INTS14: variants seen among roughly 807,000 people sequenced by gnomAD.
INTS14 encodes the protein integrator complex subunit 14, also known as UPF0464 protein C15orf44.
In INTS14, 27 loss-of-function variants were observed where a neutral mutation model predicts 56.9. The observed-to-expected ratio is 0.47, with a 90% CI of 0.35 to 0.65. The LOEUF (loss-of-function observed/expected upper bound fraction) is 0.65. Ranked by LOEUF, INTS14 falls within the 30% of genes least tolerant of loss-of-function variation. INTS14 has a pLI of 0.00. For synonymous variants in INTS14, 207 were observed against 236.2 expected (o/e 0.88, Z 1.13); for missense variants, 517 against 632.2 (o/e 0.82, Z 1.95).
In INTS14 at chr15:65,599,884, G is replaced by T. The variant is rs1178287088; in HGVS notation, c.376C>A (p.Leu126Met). ...DGCLGIGRGS[L>M]RHSLATQNQR... ...TTTTGAGTGGCTAGGGAATGTCGCA[G>T]TGACCCTCTACCAATGCCAAGACAG... Residue 126 changes from leucine (L) to methionine (M), a missense_variant, in exon 4 of 12, where the codon CTG (leucine) becomes ATG (methionine). Leu to Met is a conservative substitution (Grantham distance 15). Coordinates refer to ENST00000313182, the MANE Select transcript of INTS14 (RefSeq NM_001394796.1). The T allele has an allele frequency of 6.2e-7, 1 of 1,614,050 alleles. No homozygotes were observed. The highest frequency in any genetic ancestry group is 1.3e-5 in the African/African-American group (1 of 74,926).
intron 6 of INTS14, among the ~76,000 whole-genome samples, chr15:65,596,249 A>G (rs1233131506): frequency 6.6e-6 from 1 of 152,224 alleles, no homozygotes; most frequent in East Asian, 1.9e-4. Context: ...TGTATTCTCT[A>G]CAAAACTAGG....
rs114742506 is a variant in INTS14 at position 65,600,874 on chromosome 15, A to G, written c.331-945T>C. 7.5e-3 allele frequency among the ~76,000 whole-genome samples: 1,146 copies of G among 152,300 alleles called. 15 individuals carry two copies. The highest frequency in any genetic ancestry group is 0.026 in the African/African-American group (1,093 of 41,536). ...TTAAAAGCTTGCCTCTGAACACTTA[A>G]AAAAGGACAAAAACATTCACAACCA... On this transcript the variant is annotated intron_variant, in intron 3 of 11. Transcript: ENST00000313182.
chr15:65,586,581 G>A (rs2072832378), intron 9 of INTS14: 1 of 152,124 alleles, frequency 6.6e-6, no homozygotes, highest in Admixed American at 6.5e-5. Flanking sequence ...ATTTTGTACT[G>A]TCATTAGTTG....
chr15:65,589,316 C>T (rs574779291), intron 9 of INTS14, among the ~76,000 whole-genome samples: 41 of 152,282 alleles, frequency 2.7e-4, no homozygotes, highest in African/African-American at 9.9e-4. Flanking sequence ...CACCACCATG[C>T]CCAGCAAATT....
chr15:65,598,340 G>A lies in INTS14; in HGVS notation c.729C>T (p.Ile243=), dbSNP rs1302450441. The change falls in exon 6 of 12, where the codon ATC becomes ATT. Residue 243 remains isoleucine (I), a synonymous_variant. Transcript: ENST00000313182. ...PFVVDEEIDP[I]PKVINTDLEI... ...AGTTACCTGTGTTAATGACTTTAGG[G>A]ATAGGATCAATTTCTTCATCTACAA... The A allele has an allele frequency of 6.2e-6, 10 of 1,613,844 alleles. No individual in the cohort carries two copies. In the South Asian group the frequency reaches 1.1e-4, roughly 18 times the overall value.
chr15:65,608,028 T>C (rs1298407956), intron 1 of INTS14, among the ~76,000 whole-genome samples: 2 of 152,216 alleles, frequency 1.3e-5, no homozygotes, highest in Non-Finnish European at 2.9e-5. Flanking sequence ...GTAGTATTCA[T>C]TGTACATAAA....
At chr15:65,607,817 GACAA>G (rs1310375223) in intron 1 of INTS14, among the ~76,000 whole-genome samples, 1 of 152,184 alleles carries the variant, frequency 6.6e-6, no homozygotes, top group Non-Finnish European at 1.5e-5. Context: ...GGTGCTATTT[GACAA>G]ACAACCATTG....
chr15:65,594,236 G>C (rs2073130677), intron 7 of INTS14, among the ~76,000 whole-genome samples: 2 of 152,158 alleles, frequency 1.3e-5, no homozygotes, highest in African/African-American at 4.8e-5. Flanking sequence ...GCTGACAGAT[G>C]AATCTTCCTA....
chr15:65,580,206 G>C (rs1311259350), intron 11 of INTS14, among the ~76,000 whole-genome samples: 1 of 152,010 alleles, frequency 6.6e-6, no homozygotes, highest in Non-Finnish European at 1.5e-5. Flanking sequence ...GAGTGGTCTG[G>C]GCAAGTTATA....
intron 9 of INTS14, among the ~76,000 whole-genome samples, chr15:65,590,961 G>C (rs2073004291): frequency 6.6e-6 from 1 of 152,184 alleles, no homozygotes; most frequent in South Asian, 2.1e-4. Flanking sequence ...CTGAGCTTGA[G>C]ACTGTGACAG....
At chr15:65,588,728 G>T (rs1373978946) in intron 9 of INTS14, among the ~76,000 whole-genome samples, 1 of 151,810 alleles carries the variant, frequency 6.6e-6, no homozygotes, top group Non-Finnish European at 1.5e-5. Flanking sequence ...GTTTTAAAAA[G>T]TAGTTGTCTC....
chr15:65,582,315 GAA>G lies in INTS14; in HGVS notation c.1240-298_1240-297del, dbSNP rs781174643. Among the ~76,000 whole-genome samples, 8 of 152,196 alleles carry G rather than the reference GAA, an allele frequency of 5.3e-5. No homozygotes were observed. In the East Asian group the frequency reaches 1.3e-3, roughly 26 times the overall value. ...TTTTTTGCAAAGACGATTCAATGGG[GAA>G]AAAATAGTCTCTTCAACATTTGGTG... On this transcript the variant is annotated intron_variant, in intron 10 of 11. Transcript: ENST00000313182.
intron 3 of INTS14, among the ~76,000 whole-genome samples, chr15:65,604,538 G>T (rs778527681): frequency 3.8e-4 from 58 of 151,940 alleles, no homozygotes; most frequent in Admixed American, 8.5e-4. Flanking sequence ...AGACCAACCT[G>T]GGCAATATGG....
intron 2 of INTS14, among the ~76,000 whole-genome samples, chr15:65,606,763 TATC>T (rs1187898899): frequency 2.6e-5 from 4 of 152,176 alleles, no homozygotes; most frequent in Non-Finnish European, 4.4e-5. Flanking sequence ...GGAAAGGAAA[TATC>T]ATTTTGAATT....
chr15:65,595,855 T>C, intron 6 of INTS14, 30 bp from the exon 7 acceptor site: 1 of 1,519,320 alleles, frequency 6.6e-7, no homozygotes, highest in Non-Finnish European at 9.0e-7. Context: ...ACAGAATTAA[T>C]TCATTCTATG....
At chr15:65,587,975 CA>C (rs1362035990) in intron 9 of INTS14, among the ~76,000 whole-genome samples, 1 of 151,818 alleles carries the variant, frequency 6.6e-6, no homozygotes, top group Non-Finnish European at 1.5e-5. Context: ...GACCCTGTCT[CA>C]AAAAATAAAT....
In INTS14 at chr15:65,584,856, T is replaced by C. The variant is rs951797137; in HGVS notation, c.1153A>G (p.Asn385Asp). 1 of 1,613,474 alleles carries C rather than the reference T, an allele frequency of 6.2e-7. No individual in the cohort carries two copies. Among genetic ancestry groups the C allele is most frequent in the Non-Finnish European group, 8.5e-7 (1 of 1,179,710 alleles). The change falls in exon 10 of 12, where the codon AAT (asparagine) becomes GAT (aspartate). Residue 385 changes from asparagine (N) to aspartate (D), a missense_variant. Asn to Asp is a conservative substitution (Grantham distance 23, BLOSUM62 1). Coordinates refer to ENST00000313182, the MANE Select transcript of INTS14 (RefSeq NM_001394796.1). The stretch of plus-strand genomic sequence containing the variant: ...GGCTGCAGGGGGAATGGACTCTTAT[T>C]GTCATCCTCGCCATAAGGGTTTTCT... Reference protein sequence around the residue: ...AKENPYGEDDNKSPFPLQPKN... With the variant: ...AKENPYGEDDDKSPFPLQPKN...
rs1596224480 is a variant in INTS14 at position 65,578,905 on chromosome 15, A to T, written c.*503T>A. On this transcript the variant is annotated 3_prime_UTR_variant, in exon 12 of 12. Coordinates refer to ENST00000313182, the MANE Select transcript of INTS14 (RefSeq NM_001394796.1). ...GAGATACCAAAAGCACTTAAGAGTT[A>T]CCACCACATTTTGCCCAAGTTCTAA... 1 of 152,770 alleles carries T rather than the reference A, an allele frequency of 6.5e-6. No homozygotes were observed. Among genetic ancestry groups the T allele is most frequent in the East Asian group, 1.9e-4 (1 of 5,192 alleles). 9.5% of individuals were successfully genotyped at this position (152,770 alleles called of 1,614,324 possible).
At chr15:65,597,404 C>T (rs781757544) in intron 6 of INTS14, among the ~76,000 whole-genome samples, 2 of 152,316 alleles carry the variant, frequency 1.3e-5, no homozygotes, top group Admixed American at 6.5e-5. Flanking sequence ...ATATCCAGCC[C>T]TAAAAGATTT....
Sources: allele counts gnomAD v4.1 joint callset (sites outside exome capture counted in the v4.1 genomes callset), GRCh38; gene constraint gnomAD v4.1.1; transcripts MANE v1.5; gene names NCBI Gene and HGNC (gene_info 2026-07-23, HGNC 2026-07-21).